Variants in ZNF804B observed in about 807,000 individuals in gnomAD.
ZNF804B encodes zinc finger 804B.
Under a neutral mutation model 101.4 loss-of-function variants are expected in ZNF804B, and 80 were observed. The ratio of observed to expected loss-of-function variants is 0.79; its 90% CI spans 0.66 to 0.95. The LOEUF is 0.95. Ranked by LOEUF, ZNF804B falls within the 40% of genes least tolerant of loss-of-function variation. The pLI, the probability that ZNF804B is intolerant of heterozygous loss-of-function variation, is 0.00. For synonymous variants in ZNF804B, 622 were observed against 558.8 expected (o/e 1.11, Z -1.59); for missense variants, 1,673 against 1,561.9 (o/e 1.07, Z -1.20).
intron 1 of ZNF804B, among the ~76,000 whole-genome samples, chr7:88,887,229 A>G (rs1432426808): frequency 2.6e-5 from 4 of 152,200 alleles, no homozygotes; most frequent in South Asian, 2.1e-4. Context: ...GGCCATTTGT[A>G]TGTCTTCTTT....
intron 1 of ZNF804B, among the ~76,000 whole-genome samples, chr7:88,937,510 T>C (rs547248102): frequency 6.0e-4 from 91 of 152,162 alleles, no homozygotes; most frequent in African/African-American, 2.1e-3. Flanking sequence ...AGCTTCCCTA[T>C]AAATGAATGA....
intron 3 of ZNF804B, among the ~76,000 whole-genome samples, chr7:89,331,757 T>A (rs770522336): frequency 6.6e-6 from 1 of 151,338 alleles, no homozygotes; most frequent in Admixed American, 6.6e-5. Context: ...AAATTCTCCC[T>A]GAACTATAGA....
chr7:88,902,916 T>C (rs1229094307), intron 1 of ZNF804B, among the ~76,000 whole-genome samples: 2 of 152,070 alleles, frequency 1.3e-5, no homozygotes, highest in Non-Finnish European at 2.9e-5. Context: ...AAAATGCCAG[T>C]TTTTGATTTT....
chr7:88,846,216 ACTGGAGCACAGTCGAATACATTTTGCAT>A (rs1791371204), intron 1 of ZNF804B, among the ~76,000 whole-genome samples: 1 of 152,176 alleles, frequency 6.6e-6, no homozygotes, highest in Admixed American at 6.6e-5. Context: ...AATATGATTT[ACTGGAGCACAGTCGAATACATTTTGCAT>A]CTGTAAAACC....
intron 1 of ZNF804B, among the ~76,000 whole-genome samples, chr7:88,899,411 C>A (rs1792356445): frequency 6.6e-6 from 1 of 152,168 alleles, no homozygotes; most frequent in Non-Finnish European, 1.5e-5. Flanking sequence ...GACAAGGTTT[C>A]TAAAACTGAG....
intron 2 of ZNF804B, among the ~76,000 whole-genome samples, chr7:89,317,625 T>C (rs144532196): frequency 6.6e-6 from 1 of 152,330 alleles, no homozygotes; most frequent in Non-Finnish European, 1.5e-5. Context: ...AGCAGCTGGC[T>C]AGAGTAGAGG....
rs182419458 is a variant in ZNF804B at position 89,044,480 on chromosome 7, G to A, written c.109-173675G>A. ...CTTTGGAACTGGGTAACAGGCAGAG[G>A]TTGGAACTGTTTGTGGTGGGGGCTT... On this transcript the variant is annotated intron_variant, in intron 1 of 3. Transcript: ENST00000333190. 2.8e-3 allele frequency among the ~76,000 whole-genome samples: 423 copies of A among 152,310 alleles called. 2 individuals carry two copies. Among genetic ancestry groups the A allele is most frequent in the African/African-American group, 9.8e-3 (408 of 41,578 alleles).
intron 1 of ZNF804B, among the ~76,000 whole-genome samples, chr7:88,969,456 GC>G (rs1793501280): frequency 6.6e-6 from 1 of 151,590 alleles, no homozygotes; most frequent in Non-Finnish European, 1.5e-5. Context: ...ATAAAAGTTT[GC>G]CTTTAAATGG....
chr7:89,231,817 T>G (rs1789196544), intron 2 of ZNF804B, among the ~76,000 whole-genome samples: 1 of 152,072 alleles, frequency 6.6e-6, no homozygotes, highest in Non-Finnish European at 1.5e-5. Flanking sequence ...TGGTTGTTAG[T>G]TCTAGCATCT....
intron 1 of ZNF804B, among the ~76,000 whole-genome samples, chr7:88,902,427 G>T (rs1237339018): frequency 2.6e-5 from 4 of 151,876 alleles, no homozygotes; most frequent in Non-Finnish European, 5.9e-5. Context: ...CACAATAAAA[G>T]AAAAATTGGT....
chr7:88,772,425 C>T (rs1002768634), intron 1 of ZNF804B, among the ~76,000 whole-genome samples: 4 of 152,106 alleles, frequency 2.6e-5, no homozygotes, highest in East Asian at 1.9e-4. Flanking sequence ...CAGGGCAAAC[C>T]GGTCTTCCAC....
At chr7:89,285,319 G>A (rs1428134925) in intron 2 of ZNF804B, among the ~76,000 whole-genome samples, 1 of 151,512 alleles carries the variant, frequency 6.6e-6, no homozygotes, top group East Asian at 2.0e-4. Flanking sequence ...TCAGGAGATC[G>A]AGACCATCCT....
intron 1 of ZNF804B, among the ~76,000 whole-genome samples, chr7:89,086,736 C>G (rs1395429744): frequency 6.6e-6 from 1 of 151,800 alleles, no homozygotes; most frequent in East Asian, 1.9e-4. Flanking sequence ...TTATGGGATG[C>G]CTTTTCAGAG....
chr7:89,256,955 A>G (rs1044949114), intron 2 of ZNF804B, among the ~76,000 whole-genome samples: 2 of 152,200 alleles, frequency 1.3e-5, no homozygotes, highest in African/African-American at 4.8e-5. Context: ...CTTTTCATTT[A>G]TGATAGATAT....
Position 88,843,796 on chromosome 7 carries a change from A to G in ZNF804B, c.108+83712A>G, listed in dbSNP as rs1195618259. Among the ~76,000 whole-genome samples, 5 of 152,212 alleles carry G rather than the reference A, an allele frequency of 3.3e-5. No homozygotes were observed. In the South Asian group the frequency reaches 1.0e-3, roughly 31 times the overall value. On this transcript the variant is annotated intron_variant, in intron 1 of 3. Transcript: ENST00000333190. ...ATGAAGACAATGTCAAACTTATTGT[A>G]TCTTACTTCTAAATCACAATGGCAA...
At chr7:88,995,846 C>T (rs1788186256) in intron 1 of ZNF804B, among the ~76,000 whole-genome samples, 1 of 151,920 alleles carries the variant, frequency 6.6e-6, no homozygotes, top group Admixed American at 6.6e-5. Flanking sequence ...CTCTGTTGTC[C>T]TCCTCCCCAA....
At chr7:89,298,180 A>T (rs1238240681) in intron 2 of ZNF804B, among the ~76,000 whole-genome samples, 2 of 121,294 alleles carry the variant, frequency 1.6e-5, no homozygotes, top group African/African-American at 3.2e-5. Flanking sequence ...ATATATATAT[A>T]GTGTGTATAT....
intron 1 of ZNF804B, among the ~76,000 whole-genome samples, chr7:89,118,913 G>C (rs1790357541): frequency 1.3e-5 from 2 of 152,172 alleles, no homozygotes; most frequent in Admixed American, 1.3e-4. Flanking sequence ...TGATGGTGAT[G>C]ATGATGACAA....
intron 1 of ZNF804B, among the ~76,000 whole-genome samples, chr7:88,962,933 A>T (rs900472032): frequency 1.3e-5 from 2 of 150,718 alleles, no homozygotes; most frequent in African/African-American, 4.9e-5. Context: ...ATAACATCAC[A>T]CAGAAAAATA....
Sources: gnomAD v4.1 joint callset for allele counts (sites outside exome capture counted in the v4.1 genomes callset) on GRCh38, gnomAD v4.1.1 for gene constraint, MANE v1.5 for transcripts, NCBI Gene and HGNC (gene_info 2026-07-23, HGNC 2026-07-21) for gene names.